Variants in ALS2 observed in about 807,000 individuals in gnomAD.
ALS2 encodes the protein alsin Rho guanine nucleotide exchange factor ALS2.
In ALS2, 117 loss-of-function variants were observed where a neutral mutation model predicts 203.4. The ratio of observed to expected loss-of-function variants is 0.58; its 90% CI spans 0.50 to 0.67. ALS2 has a LOEUF of 0.67. ALS2 is among the 30% of genes least tolerant of loss of function. ALS2 has a pLI of 0.00. For missense variants in ALS2, 1,715 were observed against 1,989.4 expected, an observed-to-expected ratio of 0.86 and a Z score of 2.62; for synonymous variants, 718 against 725.9, an observed-to-expected ratio of 0.99 and a Z score of 0.17.
intron 25 of ALS2, 111 bp downstream of exon 25, chr2:201,715,561 G>A (rs891814843): frequency 3.5e-5 from 46 of 1,323,664 alleles, no homozygotes; most frequent in South Asian, 2.2e-4. Context: ...ACTCAGAAGC[G>A]AAGTAAATCA....
At chr2:201,710,154 T>G in intron 26 of ALS2, 116 bp from the exon 27 acceptor site, 1 of 1,270,006 alleles carries the variant, frequency 7.9e-7, no homozygotes. Context: ...AAGAGTCAAT[T>G]TTGGGACCAG....
chr2:201,764,437 C>T (rs987614650), intron 3 of ALS2, among the ~76,000 whole-genome samples: 1 of 151,604 alleles, frequency 6.6e-6, no homozygotes, highest in African/African-American at 2.4e-5. Context: ...TGAGACCAGC[C>T]TGGCCAATAT....
At chr2:201,703,525 A>G (rs1689509266) in intron 33 of ALS2, among the ~76,000 whole-genome samples, 1 of 152,186 alleles carries the variant, frequency 6.6e-6, no homozygotes, top group South Asian at 2.1e-4. Flanking sequence ...GAGTAGGTCT[A>G]TTCTTTCTCA....
chr2:201,768,919 C>A lies in ALS2; in HGVS notation c.-34G>T, dbSNP rs1694239027. ...GGGAACACTCCATCACCAAATCATT[C>A]CTTCTTTACAGAAAGTCTATCAAGA... is the stretch of plus-strand genomic sequence containing the variant. On this transcript the variant is annotated 5_prime_UTR_variant, in exon 2 of 34. Coordinates refer to ENST00000264276, the MANE Select transcript of ALS2 (RefSeq NM_020919.4). The A allele has an allele frequency of 3.7e-6, 6 of 1,609,612 alleles. No individual in the cohort carries two copies. Among genetic ancestry groups the A allele is most frequent in the Non-Finnish European group, 4.2e-6 (5 of 1,176,494 alleles).
At chr2:201,735,865 C>G (rs888045722) in intron 12 of ALS2, among the ~76,000 whole-genome samples, 1 of 152,176 alleles carries the variant, frequency 6.6e-6, no homozygotes, top group African/African-American at 2.4e-5. Flanking sequence ...AAGTCTCCAT[C>G]TATTTTTTGC....
At chr2:201,707,596 A>T (rs939162941) in intron 28 of ALS2, among the ~76,000 whole-genome samples, 8 of 151,782 alleles carry the variant, frequency 5.3e-5, no homozygotes, top group African/African-American at 1.4e-4. Context: ...TGCCCTGCTA[A>T]TTTTTTTTAT....
In ALS2 at chr2:201,738,679, T is replaced by C. The variant is rs1208169726; in HGVS notation, c.2408A>G (p.Lys803Arg). The C allele has an allele frequency of 8.1e-6, 13 of 1,613,914 alleles. No homozygotes were observed. Among genetic ancestry groups the C allele is most frequent in the Non-Finnish European group, 9.3e-6 (11 of 1,179,924 alleles). ...LVMGGFQLLAKPAIDFLNKNQ... is the reference protein window; with the variant it reads ...LVMGGFQLLARPAIDFLNKNQ... ...GTGTGGGTTTGCTTACATGGCAGGC[T>C]TAGCAAGAAGCTGGAATCCTCCCAT... Residue 803 changes from lysine (K) to arginine (R), a missense_variant, in exon 12 of 34, where the codon AAG (lysine) becomes AGG (arginine). Coordinates refer to ENST00000264276, the MANE Select transcript of ALS2 (RefSeq NM_020919.4).
At chr2:201,760,776 A>C in intron 4 of ALS2, 105 bp downstream of exon 4, 1 of 1,461,238 alleles carries the variant, frequency 6.8e-7, no homozygotes. Context: ...TCAAACTCAA[A>C]AAATAAAAAA....
In ALS2 at chr2:201,701,425, A is replaced by T. The variant is rs535733859; in HGVS notation, c.*426T>A. 1.0e-3 allele frequency: 170 copies of T among 164,552 alleles called. 1 individual carries two copies. The highest frequency in any genetic ancestry group is 3.6e-3 in the African/African-American group (150 of 41,716). The allele number at this position is 164,552 out of a possible 1,614,324, so 10.2% of individuals were successfully genotyped here. ...AGTACGATCTGGTTCTTGCAAACGGATCGGGGTAACTGCAGGTGGATTCAG... is the reference window on the plus strand; with the variant it reads ...AGTACGATCTGGTTCTTGCAAACGGTTCGGGGTAACTGCAGGTGGATTCAG... On this transcript the variant is annotated 3_prime_UTR_variant, in exon 34 of 34. Transcript: ENST00000264276.
intron 4 of ALS2, chr2:201,760,053 T>C (rs1199218637): frequency 2.4e-5 from 23 of 960,462 alleles, no homozygotes; most frequent in African/African-American, 1.2e-4. Flanking sequence ...CTGGGCATGA[T>C]GGCTCATGCC....
At position 201,746,423 on chromosome 2, in the gene ALS2, G is replaced by A. The variant is rs183080028; in HGVS notation, c.1998+143C>T. On this transcript the variant is annotated intron_variant, in intron 9 of 33. Transcript: ENST00000264276. ...TTGGAGAGAGAAGATAAGGAGTGAA[G>A]GGGGCTTGAAAGGAGTTTGCAATTT... is the stretch of plus-strand genomic sequence containing the variant. 4 of 888,754 alleles carry A rather than the reference G, an allele frequency of 4.5e-6. No homozygotes were observed. In the Admixed American group the frequency reaches 5.2e-5, roughly 12 times the overall value. The allele number at this position is 888,754 out of a possible 1,614,324, so 55.1% of individuals were successfully genotyped here. A position where few individuals can be genotyped will look rare whatever the true frequency, so the allele number is the denominator to read the frequency against.
intron 1 of ALS2, among the ~76,000 whole-genome samples, chr2:201,777,840 T>A (rs1189495330): frequency 1.3e-5 from 2 of 152,204 alleles, no homozygotes; most frequent in African/African-American, 4.8e-5. Flanking sequence ...TTTCACCCAG[T>A]ATTACATACT....
chr2:201,759,780 G>T lies in ALS2; in HGVS notation c.1113+1101C>A, dbSNP rs916028293. 4 of 985,048 alleles carry T rather than the reference G, an allele frequency of 4.1e-6. No homozygotes were observed. The African/African-American group carries it at 7.0e-5, about 17-fold the overall frequency. 61.0% of individuals were successfully genotyped at this position (985,048 alleles called of 1,614,324 possible). A position where few individuals can be genotyped will look rare whatever the true frequency, so the allele number is the denominator to read the frequency against. The stretch of plus-strand genomic sequence containing the variant: ...AAACAATAAGAATTGAGAATCAAGA[G>T]GCTATGTGGTTTCAAAAACCTAAAA... On this transcript the variant is annotated intron_variant, in intron 4 of 33. Transcript: ENST00000264276.
chr2:201,709,118 C>T (rs1385985878), intron 27 of ALS2, among the ~76,000 whole-genome samples: 1 of 152,218 alleles, frequency 6.6e-6, no homozygotes, highest in Non-Finnish European at 1.5e-5. Flanking sequence ...TCTTATATCT[C>T]ACAAGCTTAA....
In ALS2 at chr2:201,733,413, G is replaced by A. The variant is rs200315481; in HGVS notation, c.2443C>T (p.Leu815=). ...TTCACTTCTGACAAATCTTGCAACA[G>A]CTCTTGGTTTTTATTTAGGAAATCA... ...AIDFLNKNQE[L]LQDLSEVNDE... is the part of the protein sequence containing the mutation. The change falls in exon 13 of 34, where the codon CTG becomes TTG. Residue 815 remains leucine, a synonymous_variant. Transcript: ENST00000264276. 28 of 1,613,580 alleles carry A rather than the reference G, an allele frequency of 1.7e-5. No homozygotes were observed. The highest frequency in any genetic ancestry group is 1.7e-4 in the African/African-American group (13 of 74,996).
chr2:201,729,024 G>A, intron 14 of ALS2, 28 bp downstream of exon 14: 1 of 1,613,984 alleles, frequency 6.2e-7, no homozygotes, highest in Non-Finnish European at 8.5e-7. Flanking sequence ...GTTTGCTAGG[G>A]TAACAAATGA....
intron 1 of ALS2, among the ~76,000 whole-genome samples, chr2:201,773,506 G>A (rs1694512094): frequency 6.6e-6 from 1 of 152,146 alleles, no homozygotes; most frequent in South Asian, 2.1e-4. Context: ...TCCTGAAATG[G>A]GCAAGAGTGA....
rs1692041147 is a variant in ALS2 at position 201,738,673 on chromosome 2, G to A, written c.2414C>T (p.Ala805Val). The A allele has an allele frequency of 6.2e-7, 1 of 1,613,642 alleles. No individual in the cohort carries two copies. Among genetic ancestry groups the A allele is most frequent in the Non-Finnish European group, 8.5e-7 (1 of 1,179,562 alleles). ...MGGFQLLAKPAIDFLNKNQEL... is the reference protein window; with the variant it reads ...MGGFQLLAKPVIDFLNKNQEL... ...TGGAAGGTGTGGGTTTGCTTACATGGCAGGCTTAGCAAGAAGCTGGAATCC... is the reference window on the plus strand; with the variant it reads ...TGGAAGGTGTGGGTTTGCTTACATGACAGGCTTAGCAAGAAGCTGGAATCC... The change falls in exon 12 of 34, where the codon GCC becomes GTC. Residue 805 changes from alanine to valine, a missense_variant. By Grantham distance (64) the Ala-to-Val change is moderately conservative (BLOSUM62 0). Coordinates refer to ENST00000264276, the MANE Select transcript of ALS2 (RefSeq NM_020919.4).
At chr2:201,766,065 A>T (rs528214434) in intron 3 of ALS2, among the ~76,000 whole-genome samples, 148 of 152,356 alleles carry the variant, frequency 9.7e-4, no homozygotes, top group Non-Finnish European at 1.7e-3. Context: ...CTAACTTGTT[A>T]TCTACTAACA....
Sources: allele counts gnomAD v4.1 joint callset (sites outside exome capture counted in the v4.1 genomes callset), GRCh38; gene constraint gnomAD v4.1.1; transcripts MANE v1.5; gene names NCBI Gene and HGNC (gene_info 2026-07-23, HGNC 2026-07-21).